Variants in ANKS1B observed in about 807,000 individuals in gnomAD.
The protein encoded by ANKS1B is ankyrin repeat and sterile alpha motif domain containing 1B.
Under a neutral mutation model 148.3 loss-of-function variants are expected in ANKS1B, and 36 were observed. That is an observed-to-expected ratio of 0.24 (90% CI 0.19 to 0.32). The LOEUF (loss-of-function observed/expected upper bound fraction) is 0.32, where lower values mean the gene tolerates loss of function less well. Among genes scored for constraint, ANKS1B ranks in the 10% least tolerant of loss-of-function variants. The pLI, the probability that ANKS1B is intolerant of heterozygous loss-of-function variation, is 1.00. For missense variants in ANKS1B, 1,157 were observed against 1,542.6 expected, an observed-to-expected ratio of 0.75 and a Z score of 4.19; for synonymous variants, 542 against 560.8, an observed-to-expected ratio of 0.97 and a Z score of 0.47.
intron 1 of ANKS1B, among the ~76,000 whole-genome samples, chr12:99,834,518 GAATA>G (rs1241545434): frequency 6.6e-6 from 1 of 152,074 alleles, no homozygotes; most frequent in Admixed American, 6.6e-5. Context: ...GTAGATTTTA[GAATA>G]AATATAAACA....
chr12:99,851,748 T>C (rs2087885412), intron 1 of ANKS1B, among the ~76,000 whole-genome samples: 1 of 152,156 alleles, frequency 6.6e-6, no homozygotes, highest in Non-Finnish European at 1.5e-5. Context: ...ACTGGGGTAA[T>C]ACTTCACTAC....
chr12:99,368,957 A>G (rs1330978204), intron 12 of ANKS1B, among the ~76,000 whole-genome samples: 5 of 152,184 alleles, frequency 3.3e-5, no homozygotes, highest in Non-Finnish European at 7.4e-5. Flanking sequence ...TTGCAATCCC[A>G]ATGAAACCAC....
intron 12 of ANKS1B, among the ~76,000 whole-genome samples, chr12:99,350,069 A>G (rs955523489): frequency 6.6e-6 from 1 of 151,960 alleles, no homozygotes; most frequent in Non-Finnish European, 1.5e-5. Flanking sequence ...GCCTGGTGGG[A>G]TGTCATTTGA....
At chr12:99,947,394 A>C (rs1476766038) in intron 1 of ANKS1B, among the ~76,000 whole-genome samples, 1 of 152,144 alleles carries the variant, frequency 6.6e-6, no homozygotes, top group African/African-American at 2.4e-5. Flanking sequence ...GACACCAGGG[A>C]GACAGAGGCA....
At chr12:99,280,796 A>C (rs1258069939) in intron 12 of ANKS1B, among the ~76,000 whole-genome samples, 2 of 151,984 alleles carry the variant, frequency 1.3e-5, no homozygotes, top group Non-Finnish European at 2.9e-5. Flanking sequence ...AGATCTTAGG[A>C]TATGTCAGCC....
chr12:98,933,846 TA>T (rs1319315449), intron 17 of ANKS1B, among the ~76,000 whole-genome samples: 1 of 152,052 alleles, frequency 6.6e-6, no homozygotes, highest in African/African-American at 2.4e-5. Flanking sequence ...ATCATGTTAC[TA>T]GGTTTTTTTT....
intron 14 of ANKS1B, among the ~76,000 whole-genome samples, chr12:99,213,426 C>T (rs530847461): frequency 6.6e-6 from 1 of 152,312 alleles, no homozygotes; most frequent in South Asian, 2.1e-4. Context: ...GTGGCAACTC[C>T]CGAAGTCTAG....
intron 1 of ANKS1B, among the ~76,000 whole-genome samples, chr12:99,838,295 G>A (rs1210976861): frequency 6.6e-6 from 1 of 152,072 alleles, no homozygotes; most frequent in African/African-American, 2.4e-5. Context: ...ACCCAGTCGT[G>A]GGATTCCTGG....
intron 1 of ANKS1B, among the ~76,000 whole-genome samples, chr12:99,897,570 A>G (rs1473786218): frequency 6.6e-6 from 1 of 151,218 alleles, no homozygotes; most frequent in African/African-American, 2.4e-5. Flanking sequence ...CTATTTTTCC[A>G]TTCACAGCTG....
chr12:99,940,673 A>C (rs2153815768), intron 1 of ANKS1B, among the ~76,000 whole-genome samples: 1 of 152,296 alleles, frequency 6.6e-6, no homozygotes, highest in East Asian at 1.9e-4. Context: ...AAAGATACTA[A>C]GATACGCAAA....
intron 11 of ANKS1B, among the ~76,000 whole-genome samples, chr12:99,419,000 A>AT (rs34340455): frequency 0.17 from 25,155 of 152,048 alleles, 2,435 homozygotes; most frequent in African/African-American, 0.27. Flanking sequence ...ATTGTATATA[A>AT]TTTTAAAAAT....
intron 17 of ANKS1B, among the ~76,000 whole-genome samples, chr12:98,852,952 T>C (rs1428196883): frequency 6.6e-6 from 1 of 152,122 alleles, no homozygotes; most frequent in African/African-American, 2.4e-5. Flanking sequence ...CAAAAAGATG[T>C]GAGAAATCTT....
intron 12 of ANKS1B, among the ~76,000 whole-genome samples, chr12:99,318,527 A>AT (rs1215766010): frequency 2.0e-5 from 3 of 151,826 alleles, no homozygotes; most frequent in African/African-American, 4.8e-5. Flanking sequence ...CCCCTTTATC[A>AT]TTTTTTTATT....
intron 10 of ANKS1B, among the ~76,000 whole-genome samples, chr12:99,467,605 A>T (rs1338938772): frequency 6.6e-6 from 1 of 152,250 alleles, no homozygotes; most frequent in Non-Finnish European, 1.5e-5. Flanking sequence ...AGGAAACAAA[A>T]TCAATGTACA....
intron 9 of ANKS1B, among the ~76,000 whole-genome samples, chr12:99,573,599 TG>T (rs888054790): frequency 7.9e-5 from 12 of 152,194 alleles, no homozygotes; most frequent in Admixed American, 7.9e-4. Context: ...TTAACATGGT[TG>T]GGGGAAAATT....
intron 1 of ANKS1B, among the ~76,000 whole-genome samples, chr12:99,911,899 ATATCT>A (rs1210349906): frequency 2.0e-5 from 3 of 152,258 alleles, no homozygotes; most frequent in African/African-American, 7.2e-5. Context: ...ATTAACAATA[ATATCT>A]TAATATGACA....
At chr12:98,787,300 G>A (rs574188633) in intron 22 of ANKS1B, among the ~76,000 whole-genome samples, 1 of 152,118 alleles carries the variant, frequency 6.6e-6, no homozygotes, top group South Asian at 2.1e-4. Context: ...AAAGGCTTCC[G>A]CGGTCTCCCA....
intron 10 of ANKS1B, among the ~76,000 whole-genome samples, chr12:99,459,666 CA>C (rs57387287): frequency 0.012 from 1,674 of 142,264 alleles, 17 homozygotes; most frequent in African/African-American, 0.039. Context: ...ACAATAGCTA[CA>C]AAAAAAAAAA....
intron 17 of ANKS1B, among the ~76,000 whole-genome samples, chr12:98,961,574 G>C (rs1405196647): frequency 6.6e-6 from 1 of 152,068 alleles, no homozygotes; most frequent in African/African-American, 2.4e-5. Flanking sequence ...TAATAGCACA[G>C]AGAAAATCAC....
Sources: allele counts gnomAD v4.1 joint callset (sites outside exome capture counted in the v4.1 genomes callset), GRCh38; gene constraint gnomAD v4.1.1; transcripts MANE v1.5; gene names NCBI Gene and HGNC (gene_info 2026-07-23, HGNC 2026-07-21).